CNTN3: variants seen among roughly 807,000 people sequenced by gnomAD.
The protein encoded by CNTN3 is contactin 3, also known as contactin-3.
Under a neutral mutation model 119.1 loss-of-function variants are expected in CNTN3, and 60 were observed. That is an observed-to-expected ratio of 0.50 (90% CI 0.41 to 0.62). The LOEUF (loss-of-function observed/expected upper bound fraction) is 0.62, where lower values mean the gene tolerates loss of function less well. Ranked by LOEUF, CNTN3 falls within the 20% of genes least tolerant of loss-of-function variation. The pLI is 0.00. For missense variants in CNTN3, 1,101 were observed against 1,242.4 expected (o/e 0.89, Z 1.71); for synonymous variants, 450 against 438.7 (o/e 1.03, Z -0.32).
chr3:74,373,064 C>G (rs1168544158), intron 5 of CNTN3, among the ~76,000 whole-genome samples: 2 of 152,130 alleles, frequency 1.3e-5, no homozygotes, highest in Non-Finnish European at 2.9e-5. Flanking sequence ...TTAAATCATG[C>G]TGTCATATTG....
At chr3:74,464,555 T>C (rs9310297) in intron 4 of CNTN3, among the ~76,000 whole-genome samples, 108,295 of 152,022 alleles carry the variant, frequency 0.71, 38,934 homozygotes, top group African/African-American at 0.8. Flanking sequence ...GCTTACATCC[T>C]GGTCCAGAGG....
At position 74,298,906 on chromosome 3, in the gene CNTN3, AG is replaced by A. The variant is rs11353959; in HGVS notation, c.2167-716del. Among the ~76,000 whole-genome samples, 703 of 72,878 alleles carry A rather than the reference AG, an allele frequency of 9.6e-3. 10 individuals are homozygous for A. Among genetic ancestry groups the A allele is most frequent in the Middle Eastern group, 0.021 (2 of 96 alleles). 47.8% of individuals were successfully genotyped at this position (72,878 alleles called of 152,430 possible). On this transcript the variant is annotated intron_variant, in intron 17 of 22. Transcript: ENST00000263665. Reference sequence around the variant, plus strand: ...CCATCAAGGAAAAAAAAAAAAAAAAAGGGAAGTAAATACTAATTTATAAATT... The same window carrying A: ...CCATCAAGGAAAAAAAAAAAAAAAAAGGAAGTAAATACTAATTTATAAATT...
At chr3:74,316,599 T>G (rs1423641612) in intron 13 of CNTN3, among the ~76,000 whole-genome samples, 1 of 152,166 alleles carries the variant, frequency 6.6e-6, no homozygotes, top group Non-Finnish European at 1.5e-5. Context: ...TGCCCATTAA[T>G]GGGAGACTGG....
chr3:74,484,383 C>T (rs1006951631), intron 4 of CNTN3, among the ~76,000 whole-genome samples: 1 of 151,966 alleles, frequency 6.6e-6, no homozygotes, highest in African/African-American at 2.4e-5. Context: ...AAATATGAAT[C>T]AGGAACAGGA....
intron 1 of CNTN3, among the ~76,000 whole-genome samples, chr3:74,587,781 C>T (rs1028443274): frequency 8.6e-5 from 13 of 151,978 alleles, no homozygotes; most frequent in Non-Finnish European, 1.5e-4. Flanking sequence ...TTGAATACCC[C>T]TTATTTCCTT....
intron 1 of CNTN3, among the ~76,000 whole-genome samples, chr3:74,570,657 A>C (rs1015641149): frequency 3.3e-5 from 5 of 152,094 alleles, no homozygotes; most frequent in Non-Finnish European, 5.9e-5. Context: ...TGCTATGTAA[A>C]ATTTTTATGT....
At chr3:74,315,368 T>G (rs1217514932) in intron 13 of CNTN3, among the ~76,000 whole-genome samples, 1 of 152,304 alleles carries the variant, frequency 6.6e-6, no homozygotes, top group African/African-American at 2.4e-5. Context: ...ACTTCCCTGA[T>G]AAACTTGTTT....
intron 4 of CNTN3, among the ~76,000 whole-genome samples, chr3:74,463,932 T>G (rs1364109364): frequency 1.3e-5 from 2 of 152,180 alleles, no homozygotes; most frequent in Non-Finnish European, 2.9e-5. Flanking sequence ...CTGTTTTTAC[T>G]GTTTCTATTA....
intron 4 of CNTN3, among the ~76,000 whole-genome samples, chr3:74,452,107 G>T (rs1038497541): frequency 5.6e-5 from 8 of 142,914 alleles, no homozygotes; most frequent in African/African-American, 1.8e-4. Flanking sequence ...ACCTTGGGCA[G>T]TATGGCCATT....
At chr3:74,583,012 G>T (rs902291330) in intron 1 of CNTN3, among the ~76,000 whole-genome samples, 1 of 152,156 alleles carries the variant, frequency 6.6e-6, no homozygotes. Context: ...GGGCTACATG[G>T]AGACACACCA....
chr3:74,403,317 A>C (rs1372750584), intron 5 of CNTN3, among the ~76,000 whole-genome samples: 2 of 152,146 alleles, frequency 1.3e-5, no homozygotes, highest in East Asian at 3.9e-4. Flanking sequence ...AAAGAGAAGA[A>C]TAGAGCTCAT....
chr3:74,552,871 C>T (rs1472041451), intron 1 of CNTN3, among the ~76,000 whole-genome samples: 2 of 152,168 alleles, frequency 1.3e-5, no homozygotes, highest in Non-Finnish European at 2.9e-5. Context: ...TCCACTTCTG[C>T]CACGATTGGA....
chr3:74,420,928 A>G (rs1701606432), intron 5 of CNTN3, among the ~76,000 whole-genome samples: 1 of 152,134 alleles, frequency 6.6e-6, no homozygotes, highest in Non-Finnish European at 1.5e-5. Flanking sequence ...CTCATGTGCC[A>G]TTTCTAAGCA....
chr3:74,353,651 G>C (rs1025002406), intron 11 of CNTN3, among the ~76,000 whole-genome samples: 1 of 152,018 alleles, frequency 6.6e-6, no homozygotes, highest in African/African-American at 2.4e-5. Flanking sequence ...AGCTACTCGG[G>C]AGGCCGAGGC....
intron 1 of CNTN3, among the ~76,000 whole-genome samples, chr3:74,613,234 G>T (rs1026403180): frequency 6.7e-6 from 1 of 150,212 alleles, no homozygotes; most frequent in African/African-American, 2.4e-5. Flanking sequence ...TCTCTGTGGG[G>T]GTAGACAGAA....
At chr3:74,522,776 G>C (rs1409201136) in intron 1 of CNTN3, among the ~76,000 whole-genome samples, 1 of 148,462 alleles carries the variant, frequency 6.7e-6, no homozygotes, top group East Asian at 2.0e-4. Context: ...TCCAGAGGTG[G>C]AAAAAGGAAA....
At chr3:74,330,827 G>A (rs1228129726) in intron 13 of CNTN3, among the ~76,000 whole-genome samples, 1 of 150,010 alleles carries the variant, frequency 6.7e-6, no homozygotes, top group Non-Finnish European at 1.5e-5. Context: ...ATTCATTTTT[G>A]ACAAAAATGT....
intron 1 of CNTN3, among the ~76,000 whole-genome samples, chr3:74,576,398 G>A (rs552959566): frequency 5.9e-5 from 9 of 152,080 alleles, no homozygotes; most frequent in Admixed American, 2.0e-4. Context: ...AATATGTCAA[G>A]TAAAAATGGA....
intron 4 of CNTN3, among the ~76,000 whole-genome samples, chr3:74,485,726 G>A (rs1407722589): frequency 1.5e-5 from 2 of 136,502 alleles, no homozygotes; most frequent in South Asian, 2.3e-4. Context: ...AAAATAAAGA[G>A]AGACTAATAA....
Sources: gnomAD v4.1 joint callset for allele counts (sites outside exome capture counted in the v4.1 genomes callset) on GRCh38, gnomAD v4.1.1 for gene constraint, MANE v1.5 for transcripts, NCBI Gene and HGNC (gene_info 2026-07-23, HGNC 2026-07-21) for gene names.